The following SEMA6D variants were observed in gnomAD, a reference collection of about 807,000 sequenced individuals.
SEMA6D encodes semaphorin 6D, also known as semaphorin-6D.
A neutral mutation model predicts 106.6 loss-of-function variants in SEMA6D; 35 were observed. The ratio of observed to expected loss-of-function variants is 0.33; its 90% CI spans 0.25 to 0.44. The LOEUF is 0.44. Among genes scored for constraint, SEMA6D ranks in the 20% least tolerant of loss-of-function variants. SEMA6D has a pLI of 1.00. For synonymous variants in SEMA6D, 499 were observed against 487.7 expected, an observed-to-expected ratio of 1.02 and a Z score of -0.31; for missense variants, 1,185 against 1,345.9, an observed-to-expected ratio of 0.88 and a Z score of 1.87.
At chr15:47,439,861 A>G (rs1229756057) in intron 2 of SEMA6D, among the ~76,000 whole-genome samples, 1 of 152,126 alleles carries the variant, frequency 6.6e-6, no homozygotes, top group African/African-American at 2.4e-5. Context: ...CACAACTGCC[A>G]AGAGGAATTT....
At chr15:47,562,669 A>G (rs548640172) in intron 3 of SEMA6D, among the ~76,000 whole-genome samples, 1 of 152,126 alleles carries the variant, frequency 6.6e-6, no homozygotes, top group Admixed American at 6.5e-5. Flanking sequence ...TAGAATGACT[A>G]TAGTAAAAAA....
intron 3 of SEMA6D, among the ~76,000 whole-genome samples, chr15:47,555,817 A>G (rs979724459): frequency 6.6e-6 from 1 of 152,176 alleles, no homozygotes; most frequent in Non-Finnish European, 1.5e-5. Context: ...AATTGGGTCA[A>G]ATTCTCTTAG....
chr15:47,500,277 C>T (rs554107337), intron 3 of SEMA6D, among the ~76,000 whole-genome samples: 156 of 150,940 alleles, frequency 1.0e-3, no homozygotes, highest in African/African-American at 3.5e-3. Flanking sequence ...TCAACAAATG[C>T]CACCAAATGT....
At chr15:47,550,916 A>G (rs901170182) in intron 3 of SEMA6D, among the ~76,000 whole-genome samples, 1 of 152,192 alleles carries the variant, frequency 6.6e-6, no homozygotes, top group African/African-American at 2.4e-5. Flanking sequence ...AAAAGTAAAT[A>G]TGGCATTATC....
chr15:47,740,981 T>G (rs1263002267), intron 1 of SEMA6D, among the ~76,000 whole-genome samples: 2 of 152,204 alleles, frequency 1.3e-5, no homozygotes, highest in Non-Finnish European at 2.9e-5. Context: ...ATAGAAACTT[T>G]TACTTATTTA....
chr15:47,212,074 G>C (rs902360117), intron 1 of SEMA6D, among the ~76,000 whole-genome samples: 2 of 152,080 alleles, frequency 1.3e-5, no homozygotes, highest in African/African-American at 2.4e-5. Flanking sequence ...TAAACTGACA[G>C]GTCACCCACA....
At chr15:47,453,296 A>G (rs2042246018) in intron 2 of SEMA6D, among the ~76,000 whole-genome samples, 1 of 151,902 alleles carries the variant, frequency 6.6e-6, no homozygotes. Context: ...CGAAAAAAAA[A>G]ACACCCTTTC....
chr15:47,222,165 T>C (rs962323033), intron 1 of SEMA6D, among the ~76,000 whole-genome samples: 8 of 152,134 alleles, frequency 5.3e-5, no homozygotes, highest in African/African-American at 1.7e-4. Flanking sequence ...ATTTTTTATG[T>C]TTGTGGATTA....
chr15:47,717,750 C>T (rs2079167539), intron 1 of SEMA6D, 58 bp downstream of exon 1: 2 of 143,610 alleles, frequency 1.4e-5, no homozygotes, highest in Admixed American at 6.9e-5. Flanking sequence ...GGGGTCGGAA[C>T]CTGAGATCCC....
chr15:47,703,054 G>T (rs916371117), intron 4 of SEMA6D, among the ~76,000 whole-genome samples: 2 of 152,144 alleles, frequency 1.3e-5, no homozygotes, highest in African/African-American at 4.8e-5. Flanking sequence ...TTTGTACATA[G>T]CTCTATGTGA....
At chr15:47,281,921 A>T (rs1033661889) in intron 1 of SEMA6D, among the ~76,000 whole-genome samples, 1 of 152,174 alleles carries the variant, frequency 6.6e-6, no homozygotes, top group Non-Finnish European at 1.5e-5. Flanking sequence ...ATTAAAGCAT[A>T]TATAGGTTTA....
intron 1 of SEMA6D, among the ~76,000 whole-genome samples, chr15:47,248,521 C>A (rs560836867): frequency 4.6e-5 from 7 of 152,270 alleles, no homozygotes; most frequent in Middle Eastern, 3.4e-3. Flanking sequence ...CATTAAATTA[C>A]ACAGAACGGT....
At chr15:47,459,337 C>G (rs2042432243) in intron 2 of SEMA6D, among the ~76,000 whole-genome samples, 1 of 151,994 alleles carries the variant, frequency 6.6e-6, no homozygotes, top group South Asian at 2.1e-4. Flanking sequence ...TGAATCCTGT[C>G]AACTGCCTGA....
At chr15:47,534,500 C>A (rs2045088579) in intron 3 of SEMA6D, among the ~76,000 whole-genome samples, 1 of 152,062 alleles carries the variant, frequency 6.6e-6, no homozygotes, top group Non-Finnish European at 1.5e-5. Context: ...ACTATTTATT[C>A]CCTAAAGGTA....
intron 1 of SEMA6D, among the ~76,000 whole-genome samples, chr15:47,394,575 C>T (rs1176880699): frequency 1.3e-5 from 2 of 152,156 alleles, no homozygotes; most frequent in Non-Finnish European, 2.9e-5. Context: ...AAAAAGGCTG[C>T]TTTCAGTTCT....
intron 1 of SEMA6D, among the ~76,000 whole-genome samples, chr15:47,351,170 G>A (rs1363209789): frequency 6.6e-6 from 1 of 152,084 alleles, no homozygotes; most frequent in Non-Finnish European, 1.5e-5. Context: ...TCATTTCTAT[G>A]TGTTTATATC....
intron 3 of SEMA6D, among the ~76,000 whole-genome samples, chr15:47,544,924 G>A (rs1014388489): frequency 2.6e-5 from 4 of 152,000 alleles, no homozygotes; most frequent in African/African-American, 9.7e-5. Context: ...ATCAATAAGT[G>A]GAAATAACTT....
At chr15:47,536,300 T>C (rs983090756) in intron 3 of SEMA6D, among the ~76,000 whole-genome samples, 2 of 152,136 alleles carry the variant, frequency 1.3e-5, no homozygotes, top group African/African-American at 4.8e-5. Flanking sequence ...TTGAGGAGTA[T>C]AGAAATAAAT....
chr15:47,225,852 C>A (rs2031620968), intron 1 of SEMA6D, among the ~76,000 whole-genome samples: 1 of 151,996 alleles, frequency 6.6e-6, no homozygotes, highest in African/African-American at 2.4e-5. Flanking sequence ...TTTAAGAATT[C>A]TTTGACTGTT....
Sources: allele counts gnomAD v4.1 joint callset (sites outside exome capture counted in the v4.1 genomes callset), GRCh38; gene constraint gnomAD v4.1.1; transcripts MANE v1.5; gene names NCBI Gene and HGNC (gene_info 2026-07-23, HGNC 2026-07-21).